Variants in EFCAB11 observed in about 807,000 individuals in gnomAD.
EFCAB11 encodes the protein EF-hand calcium-binding domain-containing protein 11.
In EFCAB11, 14 loss-of-function variants were observed where a neutral mutation model predicts 23.0. That is an observed-to-expected ratio of 0.61 (90% CI 0.40 to 0.95). The LOEUF is 0.95. Ranked by LOEUF, EFCAB11 falls within the 40% of genes least tolerant of loss-of-function variation. The pLI, the probability that EFCAB11 is intolerant of heterozygous loss-of-function variation, is 0.00. For synonymous variants in EFCAB11, 65 were observed against 66.6 expected (o/e 0.98, Z 0.11); for missense variants, 198 against 195.8 (o/e 1.01, Z -0.07).
intron 5 of EFCAB11, among the ~76,000 whole-genome samples, chr14:89,827,022 G>A (rs935874544): frequency 6.6e-6 from 1 of 152,080 alleles, no homozygotes; most frequent in South Asian, 2.1e-4. Context: ...GTTGGGATTC[G>A]GTTAGAAAAT....
chr14:89,847,241 T>C (rs1887458033), intron 5 of EFCAB11, among the ~76,000 whole-genome samples: 1 of 152,208 alleles, frequency 6.6e-6, no homozygotes, highest in Admixed American at 6.5e-5. Context: ...CTGCTAATCA[T>C]CCCCTCTTTC....
At chr14:89,944,060 C>T (rs1296631881) in intron 3 of EFCAB11, among the ~76,000 whole-genome samples, 2 of 152,216 alleles carry the variant, frequency 1.3e-5, no homozygotes, top group Admixed American at 6.5e-5. Flanking sequence ...CAGCAATAGT[C>T]ACACTTGATG....
At chr14:89,923,553 C>T (rs760657379) in intron 5 of EFCAB11, 31 of 472,848 alleles carry the variant, frequency 6.6e-5, no homozygotes, top group Non-Finnish European at 8.0e-5. Context: ...CTTCTTCGGT[C>T]ATGCCATTCA....
intron 5 of EFCAB11, among the ~76,000 whole-genome samples, chr14:89,893,138 C>T (rs1213143810): frequency 6.6e-6 from 1 of 152,156 alleles, no homozygotes; most frequent in African/African-American, 2.4e-5. Context: ...GTGATGTGCC[C>T]ACTCTGGCAG....
intron 5 of EFCAB11, among the ~76,000 whole-genome samples, chr14:89,895,888 C>A (rs1027445511): frequency 2.0e-5 from 3 of 151,956 alleles, no homozygotes; most frequent in African/African-American, 7.3e-5. Context: ...TTAACTAGAC[C>A]GAATATTTGT....
intron 4 of EFCAB11, 93 bp downstream of exon 4, chr14:89,932,433 T>C: frequency 4.4e-6 from 4 of 915,668 alleles, no homozygotes; most frequent in Non-Finnish European, 1.7e-6. Flanking sequence ...ATCTTCCAAG[T>C]ATATTATATA....
At chr14:89,914,258 C>T (rs2139773373) in intron 5 of EFCAB11, among the ~76,000 whole-genome samples, 1 of 152,324 alleles carries the variant, frequency 6.6e-6, no homozygotes, top group African/African-American at 2.4e-5. Context: ...CATCATCACA[C>T]CCAAGGAGGG....
At chr14:89,856,554 G>A (rs770119084) in intron 5 of EFCAB11, among the ~76,000 whole-genome samples, 2 of 151,468 alleles carry the variant, frequency 1.3e-5, no homozygotes, top group Admixed American at 6.6e-5. Context: ...CATTCCCAAC[G>A]GTATATAAGA....
At chr14:89,877,342 A>G (rs1459158657) in intron 5 of EFCAB11, among the ~76,000 whole-genome samples, 1 of 152,128 alleles carries the variant, frequency 6.6e-6, no homozygotes, top group Non-Finnish European at 1.5e-5. Context: ...CCGGCCAACC[A>G]AAAGTATTTT....
intron 5 of EFCAB11, among the ~76,000 whole-genome samples, chr14:89,811,797 G>A (rs1448346807): frequency 6.6e-6 from 1 of 152,180 alleles, no homozygotes; most frequent in Admixed American, 6.5e-5. Context: ...CTCCAGAAAT[G>A]TAAGATGATA....
chr14:89,925,705 G>GC (rs1890171232), intron 5 of EFCAB11, among the ~76,000 whole-genome samples: 1 of 149,050 alleles, frequency 6.7e-6, no homozygotes, highest in African/African-American at 2.5e-5. Flanking sequence ...GAGTGCAATG[G>GC]CGCAGCCTGG....
rs147428666 is a variant in EFCAB11, at chr14:89,917,268, CT to C, written c.410+14272del. Among the ~76,000 whole-genome samples the C allele has an allele frequency of 2.9e-3, 441 of 152,282 alleles. 2 individuals are homozygous for C. The highest frequency in any genetic ancestry group is 9.8e-3 in the African/African-American group (408 of 41,548). On this transcript the variant is annotated intron_variant, in intron 5 of 5. Transcript: ENST00000316738. ...CCCCATCTTCCCCACTTCCCAGCCC[CT>C]GGCAACTACCATTCCACTCTTTTTC...
chr14:89,817,742 C>T (rs1886379494), intron 5 of EFCAB11, among the ~76,000 whole-genome samples: 1 of 152,156 alleles, frequency 6.6e-6, no homozygotes, highest in East Asian at 1.9e-4. Flanking sequence ...GCTTGTAATC[C>T]CAGCACTTTG....
chr14:89,842,669 A>G (rs1887311145), intron 5 of EFCAB11, among the ~76,000 whole-genome samples: 1 of 151,926 alleles, frequency 6.6e-6, no homozygotes, highest in Non-Finnish European at 1.5e-5. Flanking sequence ...GTGTCTTAAA[A>G]CGCCCCAGTA....
intron 5 of EFCAB11, among the ~76,000 whole-genome samples, chr14:89,809,866 A>T (rs1886093942): frequency 6.6e-6 from 1 of 152,202 alleles, no homozygotes. Flanking sequence ...CTGCAGAGAC[A>T]ATTTAGAAAA....
In EFCAB11 at chr14:89,851,669, A is replaced by C. The variant is rs73318882; in HGVS notation, c.411-54345T>G. On this transcript the variant is annotated intron_variant, in intron 5 of 5. Coordinates refer to ENST00000316738, the MANE Select transcript of EFCAB11 (RefSeq NM_145231.4). ...AGCAAATTTGGATCTAACAATAAAC[A>C]AAACAACCATATAAACAGGGCTCCT... Among the ~76,000 whole-genome samples the C allele has an allele frequency of 2.3e-3, 348 of 152,364 alleles. 2 individuals are homozygous for C. Among genetic ancestry groups the C allele is most frequent in the African/African-American group, 8.1e-3 (336 of 41,596 alleles).
At chr14:89,812,195 T>A (rs1252689590) in intron 5 of EFCAB11, among the ~76,000 whole-genome samples, 2 of 152,210 alleles carry the variant, frequency 1.3e-5, no homozygotes, top group East Asian at 3.8e-4. Context: ...GGGAAAAGAT[T>A]CCATTTTTAA....
At chr14:89,945,970 G>A (rs1890968128) in intron 3 of EFCAB11, among the ~76,000 whole-genome samples, 1 of 149,974 alleles carries the variant, frequency 6.7e-6, no homozygotes, top group Admixed American at 6.7e-5. Context: ...CCAGGCTGGA[G>A]TGCCGTGATG....
At chr14:89,830,409 A>G (rs772119065) in intron 5 of EFCAB11, 44 of 152,188 alleles carry the variant, frequency 2.9e-4, no homozygotes, top group Non-Finnish European at 4.9e-4. Context: ...TTGCAATATA[A>G]CTTCCTGTTT....
Sources: allele counts gnomAD v4.1 joint callset (sites outside exome capture counted in the v4.1 genomes callset), GRCh38; gene constraint gnomAD v4.1.1; transcripts MANE v1.5; gene names NCBI Gene and HGNC (gene_info 2026-07-23, HGNC 2026-07-21).